Variants in CDS2 observed in about 807,000 individuals in gnomAD.
CDS2 encodes phosphatidate cytidylyltransferase 2.
In CDS2, 47 loss-of-function variants were observed where a neutral mutation model predicts 59.0. The ratio of observed to expected loss-of-function variants is 0.80; its 90% CI spans 0.63 to 1.02. CDS2 has a LOEUF of 1.02. Among genes scored for constraint, CDS2 ranks in the 50% least tolerant of loss-of-function variants. The pLI is 0.00. For missense variants in CDS2, 356 were observed against 558.9 expected (o/e 0.64, Z 3.66); for synonymous variants, 207 against 206.4 (o/e 1.00, Z -0.02).
chr20:5,159,466 G>T (rs1040830985), intron 1 of CDS2, among the ~76,000 whole-genome samples: 4 of 151,936 alleles, frequency 2.6e-5, no homozygotes, highest in Non-Finnish European at 1.5e-5. Context: ...TTATAGTTCA[G>T]TAATTTAAAA....
At chr20:5,145,495 C>G (rs890940580) in intron 1 of CDS2, among the ~76,000 whole-genome samples, 2 of 152,042 alleles carry the variant, frequency 1.3e-5, no homozygotes, top group African/African-American at 4.8e-5. Flanking sequence ...ATCCACTATC[C>G]CGTTTGCCAG....
intron 1 of CDS2, among the ~76,000 whole-genome samples, chr20:5,164,689 C>T (rs7272236): frequency 0.074 from 11,159 of 151,582 alleles, 472 homozygotes; most frequent in Middle Eastern, 0.17. Context: ...CCCTTAAATA[C>T]TAAATAGAGA....
At chr20:5,177,092 G>C (rs2091000196) in intron 4 of CDS2, among the ~76,000 whole-genome samples, 1 of 152,118 alleles carries the variant, frequency 6.6e-6, no homozygotes, top group South Asian at 2.1e-4. Flanking sequence ...TTGAAGTCTG[G>C]AATCTTCCTG....
rs1201073308 is a variant in CDS2, at chr20:5,190,332, A to G, written c.*98A>G. The G allele has an allele frequency of 3.3e-6, 4 of 1,199,392 alleles. No individual in the cohort carries two copies. The Admixed American group carries it at 9.2e-5, about 28-fold the overall frequency. 74.3% of individuals were successfully genotyped at this position (1,199,392 alleles called of 1,614,324 possible). A position where few individuals can be genotyped will look rare whatever the true frequency, so the allele number is the denominator to read the frequency against. On this transcript the variant is annotated 3_prime_UTR_variant, in exon 13 of 13. Transcript: ENST00000460006. ...TGACTTAGACAATGACGAGGCTTCA[A>G]CTCACTGTCTTTTTTTTTTTTTTTT...
Position 5,196,789 on chromosome 20 carries a change from A to G in CDS2, c.*6555A>G, listed in dbSNP as rs1012589806. 6.6e-6 allele frequency: 1 copy of G among 152,442 alleles called. No individual in the cohort carries two copies. The highest frequency in any genetic ancestry group is 1.5e-5 in the Non-Finnish European group (1 of 68,116). The allele number at this position is 152,442 out of a possible 1,614,324, so 9.4% of individuals were successfully genotyped here. ...GTAAACTGTTTTTCTGTCTTACGTC[A>G]TGCTGACTGGGTGCTAGGGGCTGAT... On this transcript the variant is annotated 3_prime_UTR_variant, in exon 13 of 13. Transcript: ENST00000460006.
intron 4 of CDS2, among the ~76,000 whole-genome samples, chr20:5,177,496 G>A (rs1239793231): frequency 6.6e-6 from 1 of 152,110 alleles, no homozygotes; most frequent in East Asian, 1.9e-4. Flanking sequence ...AGAAAAACCT[G>A]TAACACATGT....
chr20:5,147,987 C>T (rs1382917927), intron 1 of CDS2, among the ~76,000 whole-genome samples: 2 of 151,992 alleles, frequency 1.3e-5, no homozygotes, highest in South Asian at 2.1e-4. Flanking sequence ...GAGACAAAGT[C>T]TCACTCTGTC....
chr20:5,149,653 C>T (rs1053401527), intron 1 of CDS2, among the ~76,000 whole-genome samples: 3 of 152,168 alleles, frequency 2.0e-5, no homozygotes, highest in Admixed American at 6.5e-5. Flanking sequence ...CCTCCTACCT[C>T]GACCTCGCAA....
chr20:5,166,283 C>G (rs753296073), intron 1 of CDS2, among the ~76,000 whole-genome samples: 1 of 152,100 alleles, frequency 6.6e-6, no homozygotes, highest in Non-Finnish European at 1.5e-5. Flanking sequence ...GAGAAAGGAG[C>G]CACTAAGGGT....
intron 1 of CDS2, among the ~76,000 whole-genome samples, chr20:5,127,525 C>G (rs945629142): frequency 3.3e-5 from 5 of 152,166 alleles, no homozygotes; most frequent in African/African-American, 1.2e-4. Context: ...CTCCTCTGAG[C>G]GCAACTTAGG....
At chr20:5,187,919 A>T (rs2091082167) in intron 10 of CDS2, 1 of 151,952 alleles carries the variant, frequency 6.6e-6, no homozygotes, top group African/African-American at 2.4e-5. Flanking sequence ...GACTGACAGT[A>T]ATTGTTACCA....
chr20:5,174,144 T>C (rs947957497), intron 2 of CDS2, among the ~76,000 whole-genome samples: 8 of 152,248 alleles, frequency 5.3e-5, no homozygotes, highest in African/African-American at 1.7e-4. Context: ...GTGAATCTAG[T>C]GTTAAAACTT....
At chr20:5,181,348 T>A (rs2091032338) in intron 5 of CDS2, among the ~76,000 whole-genome samples, 1 of 152,108 alleles carries the variant, frequency 6.6e-6, no homozygotes, top group African/African-American at 2.4e-5. Context: ...GGGGGTCTCC[T>A]CAGTATTGTC....
At chr20:5,168,434 G>A (rs924048674) in intron 1 of CDS2, among the ~76,000 whole-genome samples, 89 of 112,288 alleles carry the variant, frequency 7.9e-4, no homozygotes, top group Middle Eastern at 4.8e-3. Flanking sequence ...AAAAAAAAAA[G>A]AAAAGAAAAA....
chr20:5,190,227 A>C lies in CDS2; in HGVS notation c.1331A>C (p.Asp444Ala). Residue 444 changes from aspartate to alanine, a missense_variant, in exon 13 of 13, where the codon GAC becomes GCC. Coordinates refer to ENST00000460006, the MANE Select transcript of CDS2 (RefSeq NM_003818.4). ...DKGMLTSTTE[D>A]E ...GGGATGCTGACATCCACCACAGAGG[A>C]CGAGTAGGGGCCACCCAGGGCCAGG... 1 of 1,613,720 alleles carries C rather than the reference A, an allele frequency of 6.2e-7. No individual in the cohort carries two copies. Among genetic ancestry groups the C allele is most frequent in the Non-Finnish European group, 8.5e-7 (1 of 1,179,778 alleles).
In CDS2 at chr20:5,173,566, A is replaced by G. The variant is rs1162400966; in HGVS notation, c.101A>G (p.Asp34Gly). Residue 34 changes from aspartate to glycine, a missense_variant, in exon 2 of 13, where the codon GAC (aspartate) becomes GGC (glycine). Coordinates refer to ENST00000460006, the MANE Select transcript of CDS2 (RefSeq NM_003818.4). Reference sequence around the variant, plus strand: ...AAGGTAGATGGAGAGACTGCATCGGACAGTGAGAGCCGGGCAGAATCCGCA... The same window carrying G: ...AAGGTAGATGGAGAGACTGCATCGGGCAGTGAGAGCCGGGCAGAATCCGCA... ...EAKVDGETAS[D>G]SESRAESAPL... 1.9e-6 allele frequency: 3 copies of G among 1,614,102 alleles called. No individual in the cohort carries two copies. Among genetic ancestry groups the G allele is most frequent in the East Asian group, 2.2e-5 (1 of 44,898 alleles).
chr20:5,173,754 G>T, intron 2 of CDS2, 95 bp downstream of exon 2: 1 of 1,451,158 alleles, frequency 6.9e-7, no homozygotes, highest in African/African-American at 1.4e-5. Flanking sequence ...GTCTTGCAGA[G>T]CAGGCCCGCT....
At chr20:5,167,413 G>T (rs552220005) in intron 1 of CDS2, among the ~76,000 whole-genome samples, 1 of 152,270 alleles carries the variant, frequency 6.6e-6, no homozygotes, top group East Asian at 1.9e-4. Context: ...TCCTCCTTCT[G>T]TTTGGTGTTT....
chr20:5,172,745 A>G (rs2090965438), intron 1 of CDS2, among the ~76,000 whole-genome samples: 1 of 152,114 alleles, frequency 6.6e-6, no homozygotes, highest in South Asian at 2.1e-4. Flanking sequence ...TTTCTCCTCC[A>G]CCTCTTCTCA....
Sources: allele counts gnomAD v4.1 joint callset (sites outside exome capture counted in the v4.1 genomes callset), GRCh38; gene constraint gnomAD v4.1.1; transcripts MANE v1.5; gene names NCBI Gene and HGNC (gene_info 2026-07-23, HGNC 2026-07-21).